LRRC4C: variants seen among roughly 807,000 people sequenced by gnomAD.
LRRC4C encodes the protein leucine-rich repeat-containing protein 4C.
Under a neutral mutation model 33.6 loss-of-function variants are expected in LRRC4C, and 5 were observed. The ratio of observed to expected loss-of-function variants is 0.15; its 90% CI spans 0.08 to 0.31. The LOEUF (loss-of-function observed/expected upper bound fraction) is 0.31, where lower values mean the gene tolerates loss of function less well. LRRC4C is among the 10% of genes least tolerant of loss of function. The pLI, the probability that LRRC4C is intolerant of heterozygous loss-of-function variation, is 1.00. For synonymous variants in LRRC4C, 329 were observed against 302.0 expected (o/e 1.09, Z -0.93); for missense variants, 560 against 796.7 (o/e 0.70, Z 3.58).
chr11:40,557,902 G>C (rs984716780), intron 3 of LRRC4C, among the ~76,000 whole-genome samples: 1 of 152,082 alleles, frequency 6.6e-6, no homozygotes, highest in Admixed American at 6.6e-5. Flanking sequence ...TTATTGAGGA[G>C]ATTAATGAGC....
At chr11:40,844,211 A>G (rs1953050620) in intron 2 of LRRC4C, among the ~76,000 whole-genome samples, 1 of 151,740 alleles carries the variant, frequency 6.6e-6, no homozygotes, top group Non-Finnish European at 1.5e-5. Context: ...CACGTTGTGC[A>G]CATGTACCCT....
rs1290035082 is a variant in LRRC4C at position 40,475,514 on chromosome 11, GA to G, written c.-269-155794del. ...TACCTGATGTAGATGCTGGGTTGATGAGTGTAGCAAACCACCATGGCAAGTG... is the reference window on the plus strand; with the variant it reads ...TACCTGATGTAGATGCTGGGTTGATGGTGTAGCAAACCACCATGGCAAGTG... On this transcript the variant is annotated intron_variant, in intron 3 of 6. Coordinates refer to ENST00000528697, the MANE Select transcript of LRRC4C (RefSeq NM_001258419.2). Among the ~76,000 whole-genome samples, 5 of 152,170 alleles carry G rather than the reference GA, an allele frequency of 3.3e-5. No individual in the cohort carries two copies. The East Asian group carries it at 9.7e-4, about 29-fold the overall frequency.
intron 2 of LRRC4C, among the ~76,000 whole-genome samples, chr11:40,667,470 G>T (rs537723319): frequency 6.6e-6 from 1 of 152,176 alleles, no homozygotes; most frequent in Non-Finnish European, 1.5e-5. Flanking sequence ...ATGTAGGAGA[G>T]AATCTGCAAC....
intron 1 of LRRC4C, among the ~76,000 whole-genome samples, chr11:41,190,461 T>A (rs1245420793): frequency 1.3e-5 from 2 of 152,172 alleles, no homozygotes; most frequent in East Asian, 1.9e-4. Context: ...GTTTTATTCA[T>A]CTTGTTTATT....
chr11:41,289,119 G>T (rs1949920359), intron 1 of LRRC4C, among the ~76,000 whole-genome samples: 1 of 152,052 alleles, frequency 6.6e-6, no homozygotes, highest in Admixed American at 6.6e-5. Flanking sequence ...GTTATACAGG[G>T]CATGGATACC....
At chr11:40,862,258 GT>G (rs1327267269) in intron 2 of LRRC4C, among the ~76,000 whole-genome samples, 2 of 152,076 alleles carry the variant, frequency 1.3e-5, no homozygotes, top group Admixed American at 6.6e-5. Flanking sequence ...GGTGTTTGAA[GT>G]TTTTTCTTGC....
chr11:41,311,900 C>T (rs1950653016), intron 1 of LRRC4C, among the ~76,000 whole-genome samples: 1 of 152,142 alleles, frequency 6.6e-6, no homozygotes, highest in Non-Finnish European at 1.5e-5. Flanking sequence ...AGGGGTTTCT[C>T]TGTCTTATTT....
intron 4 of LRRC4C, among the ~76,000 whole-genome samples, chr11:40,252,295 C>A (rs1257944212): frequency 4.6e-5 from 7 of 151,644 alleles, no homozygotes; most frequent in Admixed American, 4.6e-4. Context: ...AATATACCCA[C>A]CTAATATATA....
At chr11:40,720,138 T>C (rs1328536046) in intron 2 of LRRC4C, among the ~76,000 whole-genome samples, 1 of 152,154 alleles carries the variant, frequency 6.6e-6, no homozygotes, top group African/African-American at 2.4e-5. Flanking sequence ...CCCTTCTTTG[T>C]CTTTAATCCT....
At chr11:40,497,105 A>G (rs1480532426) in intron 3 of LRRC4C, among the ~76,000 whole-genome samples, 3 of 152,110 alleles carry the variant, frequency 2.0e-5, no homozygotes, top group Non-Finnish European at 4.4e-5. Flanking sequence ...CAACTAAATC[A>G]TCAAAAGTCA....
intron 2 of LRRC4C, among the ~76,000 whole-genome samples, chr11:40,892,128 G>T (rs1955742337): frequency 1.2e-5 from 1 of 86,924 alleles, no homozygotes; most frequent in African/African-American, 3.9e-5. Flanking sequence ...GTGCGAGATT[G>T]TGTCTCAAAA....
chr11:41,432,905 A>G (rs918967284), intron 1 of LRRC4C, among the ~76,000 whole-genome samples: 1 of 152,168 alleles, frequency 6.6e-6, no homozygotes, highest in African/African-American at 2.4e-5. Context: ...CTTTTGTCTG[A>G]AACTTTGATA....
chr11:41,182,136 A>G (rs1055934169), intron 1 of LRRC4C, among the ~76,000 whole-genome samples: 1 of 152,206 alleles, frequency 6.6e-6, no homozygotes, highest in Non-Finnish European at 1.5e-5. Flanking sequence ...AAGCAATTAT[A>G]CTCATAGACC....
chr11:41,072,743 A>G lies in LRRC4C; in HGVS notation c.-495-139020T>C, dbSNP rs529380438. ...GATCTGGCTGGAAGACTGATTATGC[A>G]ATTCTTCCTTACCCCTGTGCAATTT... On this transcript the variant is annotated intron_variant, in intron 1 of 6. Transcript: ENST00000528697. Among the ~76,000 whole-genome samples the G allele has an allele frequency of 2.0e-5, 3 of 152,210 alleles. No homozygotes were observed. In the East Asian group the frequency reaches 5.8e-4, roughly 29 times the overall value.
chr11:40,133,199 T>TAA (rs930887543), intron 6 of LRRC4C, among the ~76,000 whole-genome samples: 14 of 152,292 alleles, frequency 9.2e-5, no homozygotes, highest in African/African-American at 3.4e-4. Flanking sequence ...TGCTCTGTGC[T>TAA]AAGGTCACCA....
intron 3 of LRRC4C, among the ~76,000 whole-genome samples, chr11:40,511,268 G>T (rs921795310): frequency 6.6e-6 from 1 of 152,172 alleles, no homozygotes; most frequent in African/African-American, 2.4e-5. Context: ...ATGAAAAGAG[G>T]CGTATGACAC....
intron 1 of LRRC4C, among the ~76,000 whole-genome samples, chr11:41,052,781 AC>A (rs1485547090): frequency 2.6e-5 from 4 of 152,054 alleles, no homozygotes; most frequent in African/African-American, 9.7e-5. Context: ...TTTTGCCCTT[AC>A]CTTTTTTGGG....
intron 1 of LRRC4C, among the ~76,000 whole-genome samples, chr11:41,120,871 A>G (rs1270163640): frequency 6.6e-6 from 1 of 152,038 alleles, no homozygotes; most frequent in Non-Finnish European, 1.5e-5. Context: ...ATCTGATGGT[A>G]TAAGTGTGTG....
intron 2 of LRRC4C, among the ~76,000 whole-genome samples, chr11:40,826,680 G>C (rs1223009732): frequency 1.3e-5 from 2 of 151,898 alleles, no homozygotes; most frequent in Non-Finnish European, 2.9e-5. Flanking sequence ...ATCTAGCCTT[G>C]ATACTAATTG....
Sources: allele counts gnomAD v4.1 joint callset (sites outside exome capture counted in the v4.1 genomes callset), GRCh38; gene constraint gnomAD v4.1.1; transcripts MANE v1.5; gene names NCBI Gene and HGNC (gene_info 2026-07-23, HGNC 2026-07-21).